The following RBFOX1 variants were observed in gnomAD, a reference collection of about 807,000 sequenced individuals.
The protein encoded by RBFOX1 is RNA binding protein fox-1 homolog 1.
Under a neutral mutation model 57.7 loss-of-function variants are expected in RBFOX1, and 8 were observed. The observed-to-expected ratio is 0.14, with a 90% CI of 0.08 to 0.25. RBFOX1 has a LOEUF of 0.25. RBFOX1 is among the 10% of genes least tolerant of loss of function. The pLI is 1.00. For missense variants in RBFOX1, 611 were observed against 548.5 expected, an observed-to-expected ratio of 1.11 and a Z score of -1.14; for synonymous variants, 326 against 222.4, an observed-to-expected ratio of 1.47 and a Z score of -4.15.
At chr16:7,241,991 A>G (rs954156395) in intron 4 of RBFOX1, among the ~76,000 whole-genome samples, 1 of 152,020 alleles carries the variant, frequency 6.6e-6, no homozygotes, top group African/African-American at 2.4e-5. Context: ...GGCCCTCTTG[A>G]TACTTTGGAT....
In RBFOX1 at chr16:7,052,014, C is replaced by T. The variant is rs745877487; in HGVS notation, c.-15-43C>T. 6.1e-5 allele frequency: 97 copies of T among 1,588,704 alleles called. 1 individual carries two copies. The highest frequency in any genetic ancestry group is 5.1e-4 in the South Asian group (45 of 87,802). ...TGTTTTCTTTCATGTTTTTCTGATC[C>T]GGAGCCTTCTGACTTTTCCCCTTCA... On this transcript the variant is annotated intron_variant, in intron 3 of 15. Transcript: ENST00000550418.
intron 1 of RBFOX1, among the ~76,000 whole-genome samples, chr16:5,457,202 T>A (rs186540949): frequency 6.6e-6 from 1 of 152,250 alleles, no homozygotes; most frequent in East Asian, 1.9e-4. Context: ...AGTGACATGA[T>A]CTTGGCTCAC....
chr16:5,523,395 A>C (rs561660823), intron 2 of RBFOX1, among the ~76,000 whole-genome samples: 9 of 152,268 alleles, frequency 5.9e-5, no homozygotes, highest in African/African-American at 2.2e-4. Flanking sequence ...CGGTTGGATC[A>C]CTTGAGCCTT....
chr16:5,666,985 G>A (rs929934835), intron 3 of RBFOX1, among the ~76,000 whole-genome samples: 2 of 152,192 alleles, frequency 1.3e-5, no homozygotes, highest in Non-Finnish European at 2.9e-5. Flanking sequence ...GCCTCTGAGG[G>A]TTGGGCTTGT....
intron 14 of RBFOX1, among the ~76,000 whole-genome samples, chr16:7,703,731 T>C (rs975217474): frequency 1.3e-5 from 2 of 152,218 alleles, no homozygotes; most frequent in East Asian, 1.9e-4. Context: ...CACGGGTTTA[T>C]ATTCCCATTC....
chr16:7,572,452 T>C (rs556474132), intron 5 of RBFOX1, among the ~76,000 whole-genome samples: 25 of 152,294 alleles, frequency 1.6e-4, no homozygotes, highest in African/African-American at 5.5e-4. Flanking sequence ...AGATATTTTT[T>C]GTTCCAACTC....
At chr16:6,948,592 G>C (rs949477081) in intron 3 of RBFOX1, among the ~76,000 whole-genome samples, 3 of 151,774 alleles carry the variant, frequency 2.0e-5, no homozygotes, top group African/African-American at 7.3e-5. Flanking sequence ...ATGTTGGCCA[G>C]ACTGGTCTTG....
rs143561218 is a variant in RBFOX1 at position 6,883,634 on chromosome 16, A to C, written c.-15-168423A>C. Among the ~76,000 whole-genome samples the C allele has an allele frequency of 2.9e-3, 439 of 152,328 alleles. 1 individual carries two copies. Among genetic ancestry groups the C allele is most frequent in the Middle Eastern group, 0.014 (4 of 294 alleles). ...TCTACTCTGTGTTCAGAACTTTTCA[A>C]AGCTAGATTTCTATCTTTGTAGTAA... is the stretch of plus-strand genomic sequence containing the variant. On this transcript the variant is annotated intron_variant, in intron 3 of 15. Coordinates refer to ENST00000550418, the MANE Select transcript of RBFOX1 (RefSeq NM_018723.4).
chr16:5,899,665 T>G (rs2152176856), intron 4 of RBFOX1, among the ~76,000 whole-genome samples: 1 of 152,258 alleles, frequency 6.6e-6, no homozygotes, highest in Admixed American at 6.5e-5. Context: ...GGTGGTGCAT[T>G]ATCAAAGCTG....
intron 1 of RBFOX1, among the ~76,000 whole-genome samples, chr16:6,085,548 C>A (rs751119635): frequency 6.6e-6 from 1 of 152,172 alleles, no homozygotes; most frequent in Non-Finnish European, 1.5e-5. Context: ...GGATTACAGG[C>A]GTGAGCCACT....
chr16:7,095,390 A>G (rs1197153438), intron 4 of RBFOX1, among the ~76,000 whole-genome samples: 2 of 152,192 alleles, frequency 1.3e-5, no homozygotes, highest in Non-Finnish European at 2.9e-5. Context: ...GACCTGCCTC[A>G]GCCTCCCACA....
chr16:6,856,503 A>T (rs1392826181), intron 3 of RBFOX1, among the ~76,000 whole-genome samples: 1 of 152,098 alleles, frequency 6.6e-6, no homozygotes, highest in African/African-American at 2.4e-5. Context: ...TGCCCTCTAG[A>T]AATATCAAAT....
chr16:5,854,068 A>T (rs1452644724), intron 3 of RBFOX1, among the ~76,000 whole-genome samples: 1 of 152,220 alleles, frequency 6.6e-6, no homozygotes, highest in African/African-American at 2.4e-5. Context: ...ACAAAGAAGA[A>T]CTGTATTCTT....
At chr16:7,184,861 TACTA>T (rs1203889192) in intron 4 of RBFOX1, among the ~76,000 whole-genome samples, 5 of 152,190 alleles carry the variant, frequency 3.3e-5, no homozygotes, top group Non-Finnish European at 5.9e-5. Context: ...GTTGAAGTGT[TACTA>T]ACACTATTAA....
At chr16:7,164,765 A>G (rs548208999) in intron 4 of RBFOX1, among the ~76,000 whole-genome samples, 27 of 152,358 alleles carry the variant, frequency 1.8e-4, no homozygotes, top group African/African-American at 5.5e-4. Context: ...AATTTAATCA[A>G]AAATCCACCT....
intron 4 of RBFOX1, among the ~76,000 whole-genome samples, chr16:6,010,989 C>T (rs1191368762): frequency 1.3e-5 from 2 of 152,130 alleles, no homozygotes; most frequent in Admixed American, 6.5e-5. Context: ...ATCTATATCC[C>T]ACCAGTAACC....
intron 2 of RBFOX1, among the ~76,000 whole-genome samples, chr16:6,625,597 T>C (rs2098294266): frequency 6.6e-6 from 1 of 152,206 alleles, no homozygotes; most frequent in African/African-American, 2.4e-5. Flanking sequence ...ATTCTAACTA[T>C]GGTAGAGGCC....
At chr16:7,662,989 G>A (rs912057884) in intron 12 of RBFOX1, among the ~76,000 whole-genome samples, 1 of 152,102 alleles carries the variant, frequency 6.6e-6, no homozygotes, top group Non-Finnish European at 1.5e-5. Flanking sequence ...CACTGCTTTT[G>A]GATGAGGATA....
At chr16:5,632,315 C>T (rs1335131689) in intron 3 of RBFOX1, among the ~76,000 whole-genome samples, 1 of 152,264 alleles carries the variant, frequency 6.6e-6, no homozygotes, top group East Asian at 1.9e-4. Flanking sequence ...ACATCAATCT[C>T]TGTGTCCCTT....
Sources: gnomAD v4.1 joint callset for allele counts (sites outside exome capture counted in the v4.1 genomes callset) on GRCh38, gnomAD v4.1.1 for gene constraint, MANE v1.5 for transcripts, NCBI Gene and HGNC (gene_info 2026-07-23, HGNC 2026-07-21) for gene names.